DOK3: variants seen among roughly 807,000 people sequenced by gnomAD.
DOK3 encodes docking protein 3.
DOK3 carries 23 observed loss-of-function variants against 26.2 expected under a neutral mutation model. That is an observed-to-expected ratio of 0.88 (90% CI 0.63 to 1.24). The LOEUF (loss-of-function observed/expected upper bound fraction) is 1.24. Among genes scored for constraint, DOK3 ranks in the 50% most tolerant of loss-of-function variants. The pLI is 0.00. For synonymous variants in DOK3, 268 were observed against 268.2 expected, an observed-to-expected ratio of 1.00 and a Z score of 0.01; for missense variants, 619 against 610.6, an observed-to-expected ratio of 1.01 and a Z score of -0.15.
chr5:177,506,848 C>T lies in DOK3; in HGVS notation c.372+1389G>A, dbSNP rs140767060. Among the ~76,000 whole-genome samples, 45 of 151,280 alleles carry T rather than the reference C, an allele frequency of 3.0e-4. No individual in the cohort carries two copies. In the East Asian group the frequency reaches 6.9e-3, roughly 23 times the overall value. On this transcript the variant is annotated intron_variant, in intron 3 of 5. Coordinates refer to ENST00000510898, the MANE Select transcript of DOK3 (RefSeq NM_001308236.3). ...GGCATTACAGGCATGCACCACCATG[C>T]CCAGCTACTTCTGTATTTTTAGTAG...
In DOK3 at chr5:177,503,402, GT is replaced by G. The variant is rs1313991036; in HGVS notation, c.*580del. 1.2e-5 allele frequency: 18 copies of G among 1,531,594 alleles called. No homozygotes were observed. The highest frequency in any genetic ancestry group is 1.6e-5 in the Non-Finnish European group (18 of 1,131,582). 94.9% of individuals were successfully genotyped at this position (1,531,594 alleles called of 1,614,324 possible). On this transcript the variant is annotated 3_prime_UTR_variant, in exon 6 of 6. Transcript: ENST00000510898. Reference sequence around the variant, plus strand: ...GGGTTCCCAGAAGTATCTGCAAATTGTTGGAGTTTCAGCAGGGAACAAGTGT... The same window carrying G: ...GGGTTCCCAGAAGTATCTGCAAATTGTGGAGTTTCAGCAGGGAACAAGTGT...
At chr5:177,508,792 A>C in intron 2 of DOK3, 2 of 419,368 alleles carry the variant, frequency 4.8e-6, no homozygotes, top group South Asian at 7.3e-5. Flanking sequence ...GGCCATGAGA[A>C]CTCGAGCTGG....
In DOK3 at chr5:177,505,037, T is replaced by G. The variant is rs761773523; in HGVS notation, c.446A>C (p.Asn149Thr). The G allele has an allele frequency of 3.2e-5, 51 of 1,611,442 alleles. No individual in the cohort carries two copies. The highest frequency in any genetic ancestry group is 4.2e-5 in the Non-Finnish European group (49 of 1,178,966). The change falls in exon 4 of 6, where the codon AAC becomes ACC. Residue 149 changes from asparagine (N) to threonine (T), a missense_variant. By Grantham distance (65) the Asn-to-Thr change is moderately conservative. Coordinates refer to ENST00000510898, the MANE Select transcript of DOK3 (RefSeq NM_001308236.3). ...PKRGLVPMEE[N>T]SIYSSWQEVG... is the part of the protein sequence containing the mutation. ...TTCCTGCCAGGAGGAGTAGATGGAG[T>G]TTTCCTCCATGGGGACCAGGCCCCT...
At chr5:177,509,305 A>T in intron 2 of DOK3, 170 bp downstream of exon 2, 2 of 804,030 alleles carry the variant, frequency 2.5e-6, no homozygotes, top group Non-Finnish European at 3.8e-6. Context: ...CTGCCGTCTC[A>T]GGCTGACACC....
Position 177,502,061 on chromosome 5 carries a change from G to A in DOK3, c.*1922C>T, listed in dbSNP as rs1759407101. On this transcript the variant is annotated 3_prime_UTR_variant, in exon 6 of 6. Transcript: ENST00000510898. Reference sequence around the variant, plus strand: ...AGAACTCAGAGAAGGCAGCAGTAGAGGCTGGGAAGGAGATTGTTATGAGGT... The same window carrying A: ...AGAACTCAGAGAAGGCAGCAGTAGAAGCTGGGAAGGAGATTGTTATGAGGT... 6.6e-6 allele frequency: 1 copy of A among 152,284 alleles called. No individual in the cohort carries two copies. Among genetic ancestry groups the A allele is most frequent in the Admixed American group, 6.5e-5 (1 of 15,280 alleles). The allele number at this position is 152,284 out of a possible 1,614,324, so 9.4% of individuals were successfully genotyped here.
At position 177,503,233 on chromosome 5, in the gene DOK3, G is replaced by A. The variant is rs1382677318; in HGVS notation, c.*750C>T. On this transcript the variant is annotated 3_prime_UTR_variant, in exon 6 of 6. Transcript: ENST00000510898. ...CTCTCCCCCTGGAATGTCGGCTCCC[G>A]GAGAACAGGACCAAGGCTGTCCTGA... The A allele has an allele frequency of 3.6e-5, 56 of 1,551,414 alleles. No homozygotes were observed. In the Middle Eastern group the frequency reaches 5.0e-4, roughly 14 times the overall value.
At chr5:177,508,874 T>C in intron 2 of DOK3, 1 of 294,286 alleles carries the variant, frequency 3.4e-6, no homozygotes, top group Non-Finnish European at 6.3e-6. Flanking sequence ...ATTATATTGG[T>C]TCCCTCTCAC....
chr5:177,510,050 C>T, upstream of DOK3: 1 of 718,562 alleles, frequency 1.4e-6, no homozygotes, highest in Non-Finnish European at 2.3e-6. Flanking sequence ...TGCTCCTCTC[C>T]ACCTCACGAG....
upstream of DOK3, chr5:177,510,041 G>C (rs1210175326): frequency 2.7e-6 from 2 of 753,012 alleles, no homozygotes; most frequent in African/African-American, 1.7e-5. Flanking sequence ...GTGTTCACCT[G>C]CTCCTCTCCA....
In DOK3 at chr5:177,503,123, C is replaced by G. The variant is rs900082137; in HGVS notation, c.*860G>C. On this transcript the variant is annotated 3_prime_UTR_variant, in exon 6 of 6. Transcript: ENST00000510898. ...GGCAGTCAGAGCCCTGGAGGCATGA[C>G]GCTTGCGTGCGTGGCTGGCTCCTAG... 1.3e-6 allele frequency: 2 copies of G among 1,551,436 alleles called. No individual in the cohort carries two copies. Among genetic ancestry groups the G allele is most frequent in the Non-Finnish European group, 1.7e-6 (2 of 1,146,894 alleles).
In DOK3 at chr5:177,504,322, C is replaced by T. The variant is rs1759734993; in HGVS notation, c.984G>A (p.Val328=). The T allele has an allele frequency of 1.9e-6, 3 of 1,601,786 alleles. No homozygotes were observed. Among genetic ancestry groups the T allele is most frequent in the Non-Finnish European group, 1.7e-6 (2 of 1,173,130 alleles). Residue 328 remains valine (V), a synonymous_variant, in exon 6 of 6, where the codon GTG becomes GTA. Coordinates refer to ENST00000510898, the MANE Select transcript of DOK3 (RefSeq NM_001308236.3). Reference sequence around the variant, plus strand: ...CTGGGGGCCCACTGGCACGCTTGCACACTGAAGCGTAGAGCCCGGACGCCA... The same window carrying T: ...CTGGGGGCCCACTGGCACGCTTGCATACTGAAGCGTAGAGCCCGGACGCCA... ...NDLASGLYAS[V]CKRASGPPGN...
Position 177,503,857 on chromosome 5 carries a change from G to C in DOK3, c.*126C>G, listed in dbSNP as rs1256327599. 7.0e-7 allele frequency: 1 copy of C among 1,436,848 alleles called. No individual in the cohort carries two copies. The highest frequency in any genetic ancestry group is 9.1e-7 in the Non-Finnish European group (1 of 1,100,132). The allele number at this position is 1,436,848 out of a possible 1,614,324, so 89.0% of individuals were successfully genotyped here. On this transcript the variant is annotated 3_prime_UTR_variant, in exon 6 of 6. Transcript: ENST00000510898. ...GGCTGAGGTCCTCCACAGGCGGCCT[G>C]CCTTGTTCCTGCAGGCCAGGGTGGA...
chr5:177,503,831 G>T lies in DOK3; in HGVS notation c.*152C>A. 3 of 1,434,732 alleles carry T rather than the reference G, an allele frequency of 2.1e-6. No individual in the cohort carries two copies. The highest frequency in any genetic ancestry group is 2.7e-6 in the Non-Finnish European group (3 of 1,099,258). 88.9% of individuals were successfully genotyped at this position (1,434,732 alleles called of 1,614,324 possible). ...CACTATTCATGAGGAGGGCAGGGCA[G>T]GGCTGAGGTCCTCCACAGGCGGCCT... On this transcript the variant is annotated 3_prime_UTR_variant, in exon 6 of 6. Transcript: ENST00000510898.
At chr5:177,510,358 C>T, upstream of DOK3, 1 of 163,792 alleles carries the variant, frequency 6.1e-6, no homozygotes, top group Non-Finnish European at 1.3e-5. Flanking sequence ...ACGGTATACA[C>T]TCACGCTGGG....
At chr5:177,508,846 A>G in intron 2 of DOK3, 1 of 356,980 alleles carries the variant, frequency 2.8e-6, no homozygotes, top group South Asian at 1.1e-4. Context: ...GTGGCCGGGC[A>G]GACCACCAGA....
In DOK3 at chr5:177,504,752, G is replaced by C. The variant is rs1397251701; in HGVS notation, c.636C>G (p.Gly212=). 3 of 1,614,052 alleles carry C rather than the reference G, an allele frequency of 1.9e-6. No homozygotes were observed. The highest frequency in any genetic ancestry group is 2.5e-6 in the Non-Finnish European group (3 of 1,179,936). ...SWPYHFLRKF[G]SDKGVFSFEA... is the part of the protein sequence containing the mutation. ...CACCCCTGCACCTCACCTTGTCGGA[G>C]CCGAACTTGCGCAGGAAGTGGTAGG... is the stretch of plus-strand genomic sequence containing the variant. The change falls in exon 5 of 6, where the codon GGC becomes GGG. Residue 212 remains glycine, a synonymous_variant. Coordinates refer to ENST00000510898, the MANE Select transcript of DOK3 (RefSeq NM_001308236.3).
intron 3 of DOK3, among the ~76,000 whole-genome samples, chr5:177,507,024 T>C (rs1469081497): frequency 6.6e-6 from 1 of 152,108 alleles, no homozygotes; most frequent in East Asian, 1.9e-4. Flanking sequence ...CTGTGCACTG[T>C]TGCCACTGTC....
rs1480485056 is a variant in DOK3, at chr5:177,503,990, C to G, written c.1316G>C (p.Arg439Pro). 1.3e-6 allele frequency: 2 copies of G among 1,547,602 alleles called. No homozygotes were observed. Among genetic ancestry groups the G allele is most frequent in the East Asian group, 4.9e-5 (2 of 41,104 alleles). Residue 439 changes from arginine (R) to proline (P), a missense_variant, in exon 6 of 6, where the codon CGG (arginine) becomes CCG (proline). Arg to Pro is a moderately radical substitution (Grantham distance 103). Coordinates refer to ENST00000510898, the MANE Select transcript of DOK3 (RefSeq NM_001308236.3). ...ERRKGPAPCDRP is the reference protein window; with the variant it reads ...ERRKGPAPCDPP ...CACCACTCTGCTGGGCGTTCAGGGC[C>G]GGTCACAAGGGGCTGGGCCCTTCCT... is the stretch of plus-strand genomic sequence containing the variant.
In DOK3 at chr5:177,503,734, C is replaced by A. The variant is rs545647781; in HGVS notation, c.*249G>T. 1 of 1,409,712 alleles carries A rather than the reference C, an allele frequency of 7.1e-7. No homozygotes were observed. 87.3% of individuals were successfully genotyped at this position (1,409,712 alleles called of 1,614,324 possible). On this transcript the variant is annotated 3_prime_UTR_variant, in exon 6 of 6. Coordinates refer to ENST00000510898, the MANE Select transcript of DOK3 (RefSeq NM_001308236.3). ...GGGTGCTTGTGTTGGCCGCAATGAA[C>A]GTGGGCAGGGGCGTGTGCCGTGAGT... is the stretch of plus-strand genomic sequence containing the variant.
Sources: allele counts gnomAD v4.1 joint callset (sites outside exome capture counted in the v4.1 genomes callset), GRCh38; gene constraint gnomAD v4.1.1; transcripts MANE v1.5; gene names NCBI Gene and HGNC (gene_info 2026-07-23, HGNC 2026-07-21).